Variants in PEF1 observed in about 807,000 individuals in gnomAD.
The protein encoded by PEF1 is peflin.
PEF1 carries 17 observed loss-of-function variants against 32.0 expected under a neutral mutation model. The ratio of observed to expected loss-of-function variants is 0.53; its 90% CI spans 0.36 to 0.80. PEF1 has a LOEUF of 0.80. Among genes scored for constraint, PEF1 ranks in the 30% least tolerant of loss-of-function variants. PEF1 has a pLI of 0.00. For missense variants in PEF1, 362 were observed against 369.1 expected, an observed-to-expected ratio of 0.98 and a Z score of 0.16; for synonymous variants, 130 against 139.8, an observed-to-expected ratio of 0.93 and a Z score of 0.50.
intron 2 of PEF1, among the ~76,000 whole-genome samples, chr1:31,634,526 G>A (rs1171784886): frequency 2.6e-5 from 4 of 152,212 alleles, no homozygotes; most frequent in Admixed American, 6.5e-5. Flanking sequence ...ACAGAGAAAC[G>A]GATATTTAAA....
At chr1:31,639,622 G>A (rs1640345694) in intron 1 of PEF1, among the ~76,000 whole-genome samples, 1 of 152,206 alleles carries the variant, frequency 6.6e-6, no homozygotes, top group Admixed American at 6.5e-5. Context: ...AGTGAGGGAG[G>A]CAGTAGCCCA....
chr1:31,635,456 T>TG lies in PEF1; in HGVS notation c.90dup (p.Asn31GlnfsTer2), dbSNP rs1407163181. The TG allele has an allele frequency of 1.3e-6, 2 of 1,595,330 alleles. No homozygotes were observed. The highest frequency in any genetic ancestry group is 1.7e-6 in the Non-Finnish European group (2 of 1,168,900). On this transcript the variant is annotated frameshift_variant, in exon 2 of 5. Transcript: ENST00000373703. LOFTEE classifies it high-confidence loss of function. Reference sequence around the variant, plus strand: ...CCACTACCATACTGCCCTCCACTATTGGGGGGTCCAGGGTAGTAGCTACCC... The same window carrying TG: ...CCACTACCATACTGCCCTCCACTATTGGGGGGGTCCAGGGTAGTAGCTACCC...
At chr1:31,635,157 A>C (rs1640218853) in intron 2 of PEF1, 65 bp downstream of exon 2, 1 of 1,576,422 alleles carries the variant, frequency 6.3e-7, no homozygotes, top group Non-Finnish European at 8.6e-7. Flanking sequence ...CAGGAAGGAC[A>C]AAGGCTGGCC....
At chr1:31,634,651 A>C (rs1640207542) in intron 2 of PEF1, among the ~76,000 whole-genome samples, 1 of 152,116 alleles carries the variant, frequency 6.6e-6, no homozygotes, top group Admixed American at 6.5e-5. Context: ...ATGGTTTAAA[A>C]GGCCAGTTCA....
At position 31,635,435 on chromosome 1, in the gene PEF1, T is replaced by C; in HGVS notation, c.112A>G (p.Ser38Gly). 6.2e-7 allele frequency: 1 copy of C among 1,610,562 alleles called. No individual in the cohort carries two copies. Among genetic ancestry groups the C allele is most frequent in the Non-Finnish European group, 8.5e-7 (1 of 1,178,158 alleles). ...GPPNSGGQYG[S>G]GLPPGGGYGG... ...TAACCACCACCAGGGGGTAGCCCAC[T>C]ACCATACTGCCCTCCACTATTGGGG... Residue 38 changes from serine (S) to glycine (G), a missense_variant, in exon 2 of 5, where the codon AGT (serine) becomes GGT (glycine). Ser to Gly is a moderately conservative substitution (Grantham distance 56, BLOSUM62 0). Transcript: ENST00000373703.
At chr1:31,630,887 T>A in intron 4 of PEF1, 45 bp from the exon 5 acceptor site, 1 of 1,462,240 alleles carries the variant, frequency 6.8e-7, no homozygotes, top group Non-Finnish European at 9.4e-7. Context: ...AAACCTGCCA[T>A]GAGCACCTCC....
intron 1 of PEF1, among the ~76,000 whole-genome samples, chr1:31,643,376 A>G (rs1474025567): frequency 6.6e-6 from 1 of 152,230 alleles, no homozygotes; most frequent in African/African-American, 2.4e-5. Context: ...TCCTATATTA[A>G]CAATATCTAT....
chr1:31,639,342 T>C (rs779359851), intron 1 of PEF1, among the ~76,000 whole-genome samples: 7 of 151,908 alleles, frequency 4.6e-5, no homozygotes, highest in Non-Finnish European at 5.9e-5. Context: ...TGTCTAAGAG[T>C]AGTTTCTGTC....
rs1640220678 is a variant in PEF1 at position 31,635,223 on chromosome 1, C to T, written c.324G>A (p.Gln108=). 2 of 1,613,764 alleles carry T rather than the reference C, an allele frequency of 1.2e-6. No homozygotes were observed. Among genetic ancestry groups the T allele is most frequent in the Non-Finnish European group, 1.7e-6 (2 of 1,179,874 alleles). The part of the protein sequence containing the change: ...YGAQQPGLYG[Q]GGAPPNVDPE... ...CCGGAGTCCAAGATTACTACTTACC[C>T]TGTCCATAAAGCCCAGGCTGCTGGG... is the stretch of plus-strand genomic sequence containing the variant. The change falls in exon 2 of 5, where the codon CAG becomes CAA. Residue 108 remains glutamine, a splice_region_variant and synonymous_variant. Transcript: ENST00000373703.
rs1218972367 is a variant in PEF1 at position 31,635,481 on chromosome 1, C to T, written c.66G>A (p.Pro22=). 7 of 1,530,886 alleles carry T rather than the reference C, an allele frequency of 4.6e-6. No individual in the cohort carries two copies. Among genetic ancestry groups the T allele is most frequent in the Non-Finnish European group, 6.1e-6 (7 of 1,138,306 alleles). The allele number at this position is 1,530,886 out of a possible 1,614,324, so 94.8% of individuals were successfully genotyped here. A position where few individuals can be genotyped will look rare whatever the true frequency, so the allele number is the denominator to read the frequency against. ...GAAGQAPGAP[P]GSYYPGPPNS... is the part of the protein sequence containing the mutation. ...TGGGGGGTCCAGGGTAGTAGCTACC[C>T]GGAGGGGCTCCTGGTGCTTGTCCTG... Residue 22 remains proline, a synonymous_variant, in exon 2 of 5, where the codon CCG becomes CCA. Transcript: ENST00000373703.
intron 2 of PEF1, 60 bp downstream of exon 2, chr1:31,635,162 C>A: frequency 6.3e-7 from 1 of 1,580,918 alleles, no homozygotes; most frequent in Non-Finnish European, 8.6e-7. Flanking sequence ...AGGACAAAGG[C>A]TGGCCATGGA....
intron 4 of PEF1, 64 bp downstream of exon 4, chr1:31,632,431 C>T (rs1640132249): frequency 1.2e-6 from 2 of 1,612,002 alleles, no homozygotes; most frequent in Non-Finnish European, 1.7e-6. Flanking sequence ...TTTGTTGTAT[C>T]TTAGGGTGTA....
rs1394440392 is a variant in PEF1, at chr1:31,635,490, T to C, written c.57A>G (p.Gly19=). Residue 19 remains glycine (G), a synonymous_variant, in exon 2 of 5, where the codon GGA becomes GGG. Transcript: ENST00000373703. ...GCPGAAGQAP[G]APPGSYYPGP... is the part of the protein sequence containing the mutation. ...CAGGGTAGTAGCTACCCGGAGGGGC[T>C]CCTGGTGCTTGTCCTGCAGCTCCTG... The C allele has an allele frequency of 6.6e-7, 1 of 1,522,784 alleles. No individual in the cohort carries two copies. The highest frequency in any genetic ancestry group is 2.3e-5 in the East Asian group (1 of 43,820). 94.3% of individuals were successfully genotyped at this position (1,522,784 alleles called of 1,614,324 possible).
In PEF1 at chr1:31,630,849, A is replaced by C. The variant is rs1363918445; in HGVS notation, c.626-7T>G. 8 of 1,599,294 alleles carry C rather than the reference A, an allele frequency of 5.0e-6. No homozygotes were observed. The highest frequency in any genetic ancestry group is 6.8e-6 in the Non-Finnish European group (8 of 1,175,548). Reference sequence around the variant, plus strand: ...TAGCCCATTTGGGACAGAGCTGGAGAAGAGGGGCACACAGACCAGACACAC... The same window carrying C: ...TAGCCCATTTGGGACAGAGCTGGAGCAGAGGGGCACACAGACCAGACACAC... On this transcript the variant is annotated splice_region_variant and splice_polypyrimidine_tract_variant and intron_variant, in intron 4 of 4. Transcript: ENST00000373703.
Position 31,633,217 on chromosome 1 carries a change from CTGCTT to C in PEF1, c.418_422del (p.Lys140GlyfsTer12). ...AAGACCAATTGCAGTTGACCAGGGC[CTGCTT>C]TAGCTCCTTCATGGAGATATAGCCA... On this transcript the variant is annotated frameshift_variant, in exon 3 of 5. Transcript: ENST00000373703. LOFTEE classifies it high-confidence loss of function. 1 of 1,614,130 alleles carries C rather than the reference CTGCTT, an allele frequency of 6.2e-7. No individual in the cohort carries two copies. Among genetic ancestry groups the C allele is most frequent in the Non-Finnish European group, 8.5e-7 (1 of 1,180,020 alleles).
intron 1 of PEF1, among the ~76,000 whole-genome samples, chr1:31,638,807 G>T (rs1374570898): frequency 1.3e-5 from 2 of 152,226 alleles, no homozygotes; most frequent in Non-Finnish European, 2.9e-5. Flanking sequence ...TACAGATGAA[G>T]AAACTAAGCC....
chr1:31,633,067 T>C, intron 3 of PEF1, 92 bp downstream of exon 3: 2 of 1,424,974 alleles, frequency 1.4e-6, no homozygotes, highest in South Asian at 1.4e-5. Flanking sequence ...TGAATTTCTC[T>C]TCAGAATGTC....
chr1:31,633,410 C>T, intron 2 of PEF1, 96 bp from the exon 3 acceptor site: 1 of 1,301,734 alleles, frequency 7.7e-7, no homozygotes, highest in South Asian at 1.5e-5. Context: ...CACGAAGCTT[C>T]ACAAATTCAC....
intron 3 of PEF1, 70 bp from the exon 4 acceptor site, chr1:31,632,708 C>G (rs1336489133): frequency 6.5e-7 from 1 of 1,538,762 alleles, no homozygotes; most frequent in African/African-American, 1.4e-5. Context: ...CCTCAGGACC[C>G]ATTGAGGCAG....
Sources: gnomAD v4.1 joint callset for allele counts (sites outside exome capture counted in the v4.1 genomes callset) on GRCh38, gnomAD v4.1.1 for gene constraint, MANE v1.5 for transcripts, NCBI Gene and HGNC (gene_info 2026-07-23, HGNC 2026-07-21) for gene names.